Variants in TBX10 observed in about 807,000 individuals in gnomAD.
TBX10 encodes the protein T-box transcription factor TBX10.
A neutral mutation model predicts 32.4 loss-of-function variants in TBX10; 26 were observed. That is an observed-to-expected ratio of 0.80 (90% CI 0.59 to 1.11). The LOEUF is 1.11. TBX10 is among the 50% of genes most tolerant of loss of function. The probability of loss-of-function intolerance (pLI) is 0.00; values close to 1 mark genes in which losing one functional copy is unlikely to be tolerated. For synonymous variants in TBX10, 195 were observed against 203.1 expected (o/e 0.96, Z 0.34); for missense variants, 490 against 494.5 (o/e 0.99, Z 0.09).
intron 1 of TBX10, among the ~76,000 whole-genome samples, chr11:67,636,622 C>T (rs1159538589): frequency 2.6e-5 from 4 of 151,914 alleles, no homozygotes; most frequent in East Asian, 3.9e-4. Context: ...CTCAGCCTCC[C>T]GAGTAGCTGG....
chr11:67,632,000 C>T (rs1008038685), intron 7 of TBX10, 106 bp from the exon 8 acceptor site: 16 of 1,467,474 alleles, frequency 1.1e-5, no homozygotes, highest in Non-Finnish European at 1.5e-5. Flanking sequence ...TTACCTACCT[C>T]TCAGCCTTCG....
chr11:67,639,445 C>T (rs1311574706), intron 1 of TBX10, 21 bp downstream of exon 1: 1 of 1,611,990 alleles, frequency 6.2e-7, no homozygotes, highest in Admixed American at 1.7e-5. Context: ...GAGGCCACCT[C>T]TGCTTCAGAA....
chr11:67,633,469 GCTC>G (rs1855272432), intron 4 of TBX10, among the ~76,000 whole-genome samples: 1 of 152,028 alleles, frequency 6.6e-6, no homozygotes, highest in Non-Finnish European at 1.5e-5. Context: ...TATGCCCCCT[GCTC>G]CTAACCGTCC....
rs200672535 is a variant in TBX10 at position 67,636,516 on chromosome 11, TA to T, written c.8-1254del. On this transcript the variant is annotated intron_variant, in intron 1 of 7. Transcript: ENST00000335385. ...TGTATATATTATTTATTTATTTATT[TA>T]TTTATTTTTTTCCAGAGTCTTGCTC... 9.4e-3 allele frequency among the ~76,000 whole-genome samples: 857 copies of T among 91,570 alleles called. 11 individuals are homozygous for T. The highest frequency in any genetic ancestry group is 0.019 in the African/African-American group (688 of 37,036). The allele number at this position is 91,570 out of a possible 152,430, so 60.1% of individuals were successfully genotyped here.
Position 67,631,592 on chromosome 11 carries a change from A to T in TBX10, c.*13T>A. 6.3e-7 allele frequency: 1 copy of T among 1,587,360 alleles called. No individual in the cohort carries two copies. The highest frequency in any genetic ancestry group is 8.5e-7 in the Non-Finnish European group (1 of 1,172,758). ...GTCCAGGGTAGCAGGGCTTCCCCCC[A>T]GGGCTTCTGGCATCACTGGGAGTCC... On this transcript the variant is annotated 3_prime_UTR_variant, in exon 8 of 8. Transcript: ENST00000335385.
intron 1 of TBX10, among the ~76,000 whole-genome samples, chr11:67,636,812 G>A (rs1855339454): frequency 6.6e-6 from 1 of 152,144 alleles, no homozygotes; most frequent in South Asian, 2.1e-4. Context: ...ATTACCATAT[G>A]ATCCAGCAAT....
At chr11:67,636,113 C>T (rs1234905449) in intron 1 of TBX10, among the ~76,000 whole-genome samples, 2 of 124,604 alleles carry the variant, frequency 1.6e-5, no homozygotes, top group African/African-American at 6.0e-5. Context: ...GGGTCTCACT[C>T]TGTTTCCCAG....
At chr11:67,640,260 G>A (rs1855386758), upstream of TBX10, among the ~76,000 whole-genome samples, 1 of 152,232 alleles carries the variant, frequency 6.6e-6, no homozygotes, top group Admixed American at 6.5e-5. Flanking sequence ...ATGAACTCAG[G>A]GAGCTGCGCA....
chr11:67,638,210 A>AAAATAAAT lies in TBX10; in HGVS notation c.7+1248_7+1255dup, dbSNP rs3029208. Among the ~76,000 whole-genome samples, 454 of 149,790 alleles carry AAAATAAAT rather than the reference A, an allele frequency of 3.0e-3. 3 individuals are homozygous for AAAATAAAT. Among genetic ancestry groups the AAAATAAAT allele is most frequent in the East Asian group, 0.016 (80 of 5,150 alleles). The stretch of plus-strand genomic sequence containing the variant: ...GTGACAGAGTGAGACTCTGTCTCAA[A>AAAATAAAT]AAATAAATAAATAAATAAATAAATA... On this transcript the variant is annotated intron_variant, in intron 1 of 7. Transcript: ENST00000335385.
At chr11:67,633,353 G>A (rs886781198) in intron 4 of TBX10, among the ~76,000 whole-genome samples, 4 of 152,076 alleles carry the variant, frequency 2.6e-5, no homozygotes, top group Non-Finnish European at 4.4e-5. Context: ...GTGCTGGCCC[G>A]TCACTGTCGC....
chr11:67,635,350 A>C, intron 1 of TBX10, 87 bp from the exon 2 acceptor site: 1 of 1,581,592 alleles, frequency 6.3e-7, no homozygotes, highest in Non-Finnish European at 8.6e-7. Context: ...CTCTTCCTCC[A>C]GGAAGCCCTC....
rs1032272857 is a variant in TBX10 at position 67,632,724 on chromosome 11, T to C, written c.706-54A>G. 3.7e-6 allele frequency: 6 copies of C among 1,607,830 alleles called. No individual in the cohort carries two copies. The African/African-American group carries it at 6.7e-5, about 18-fold the overall frequency. On this transcript the variant is annotated intron_variant, in intron 5 of 7. Coordinates refer to ENST00000335385, the MANE Select transcript of TBX10 (RefSeq NM_005995.5). Reference sequence around the variant, plus strand: ...TGGCCATGAGCCAGGCTCAGCCACCTTGTCCTCCCGGGAACCGGCAGTCAG... The same window carrying C: ...TGGCCATGAGCCAGGCTCAGCCACCCTGTCCTCCCGGGAACCGGCAGTCAG...
At position 67,634,919 on chromosome 11, in the gene TBX10, T is replaced by C; in HGVS notation, c.276-2A>G. 6.2e-7 allele frequency: 1 copy of C among 1,613,266 alleles called. No homozygotes were observed. ...ACCTGGAAGGGGGGGAACATCCTCC[T>C]GCGGGAGGGAGGTGCTCAGCAGCCG... On this transcript the variant is annotated splice_acceptor_variant, in intron 2 of 7. Transcript: ENST00000335385. LOFTEE classifies it high-confidence loss of function.
chr11:67,641,369 C>T (rs947400732), upstream of TBX10, among the ~76,000 whole-genome samples: 5 of 152,234 alleles, frequency 3.3e-5, no homozygotes, highest in African/African-American at 9.6e-5. Flanking sequence ...CGCCACATGG[C>T]GCACACACGT....
chr11:67,632,856 G>C (rs1446750311), intron 5 of TBX10, 92 bp downstream of exon 5: 1 of 1,601,964 alleles, frequency 6.2e-7, no homozygotes, highest in East Asian at 2.2e-5. Flanking sequence ...GAGGGCAGTA[G>C]TCTGTGCCAG....
Position 67,638,497 on chromosome 11 carries a change from G to T in TBX10, c.7+969C>A, listed in dbSNP as rs969308342. ...GACTATGGGATGCCTGGAGCAGAGGGGGGTGCTGGGTGTTGGAGAGATGGA... is the reference window on the plus strand; with the variant it reads ...GACTATGGGATGCCTGGAGCAGAGGTGGGTGCTGGGTGTTGGAGAGATGGA... On this transcript the variant is annotated intron_variant, in intron 1 of 7. Coordinates refer to ENST00000335385, the MANE Select transcript of TBX10 (RefSeq NM_005995.5). Among the ~76,000 whole-genome samples the T allele has an allele frequency of 4.6e-5, 7 of 152,292 alleles. No homozygotes were observed. In the East Asian group the frequency reaches 1.2e-3, roughly 25 times the overall value.
rs780369400 is a variant in TBX10, at chr11:67,632,434, G to T, written c.774-22C>A. The T allele has an allele frequency of 3.1e-6, 5 of 1,607,460 alleles. No individual in the cohort carries two copies. In the South Asian group the frequency reaches 3.3e-5, roughly 11 times the overall value. Reference sequence around the variant, plus strand: ...AGGCCTGAAAGAGCAAGCGAGAATGGGGGGAGGGGATCAAGGGGAAGAACC... The same window carrying T: ...AGGCCTGAAAGAGCAAGCGAGAATGTGGGGAGGGGATCAAGGGGAAGAACC... On this transcript the variant is annotated intron_variant, in intron 6 of 7. Transcript: ENST00000335385.
intron 1 of TBX10, among the ~76,000 whole-genome samples, chr11:67,635,707 G>C (rs918918713): frequency 1.3e-5 from 2 of 151,980 alleles, no homozygotes; most frequent in Non-Finnish European, 1.5e-5. Context: ...GAGGGGGCAG[G>C]GGTCTTCCCC....
chr11:67,634,172 C>G lies in TBX10; in HGVS notation c.549+17G>C, dbSNP rs375008730. On this transcript the variant is annotated intron_variant, in intron 4 of 7. Coordinates refer to ENST00000335385, the MANE Select transcript of TBX10 (RefSeq NM_005995.5). ...TGACCCCAGGCCCTTCCGTCCCCACCGTGGCCCCGGCCTCACGTGGCCATT... is the reference window on the plus strand; with the variant it reads ...TGACCCCAGGCCCTTCCGTCCCCACGGTGGCCCCGGCCTCACGTGGCCATT... The G allele has an allele frequency of 6.2e-7, 1 of 1,611,436 alleles. No homozygotes were observed. The highest frequency in any genetic ancestry group is 8.5e-7 in the Non-Finnish European group (1 of 1,179,940).
Sources: allele counts gnomAD v4.1 joint callset (sites outside exome capture counted in the v4.1 genomes callset), GRCh38; gene constraint gnomAD v4.1.1; transcripts MANE v1.5; gene names NCBI Gene and HGNC (gene_info 2026-07-23, HGNC 2026-07-21).